Variants in CSMD1 observed in about 807,000 individuals in gnomAD.
CSMD1 encodes the protein CUB and sushi domain-containing protein 1.
In CSMD1, 213 loss-of-function variants were observed where a neutral mutation model predicts 417.5. The observed-to-expected ratio is 0.51, with a 90% CI of 0.46 to 0.57. The LOEUF (loss-of-function observed/expected upper bound fraction) is 0.57, where lower values mean the gene tolerates loss of function less well. Ranked by LOEUF, CSMD1 falls within the 20% of genes least tolerant of loss-of-function variation. The probability of loss-of-function intolerance (pLI) is 0.00; values close to 1 mark genes in which losing one functional copy is unlikely to be tolerated. For synonymous variants in CSMD1, 2,862 were observed against 1,736.8 expected (o/e 1.65, Z -16.11); for missense variants, 6,923 against 4,529.7 (o/e 1.53, Z -15.17).
chr8:3,941,694 T>G (rs1347636301), intron 5 of CSMD1, among the ~76,000 whole-genome samples: 1 of 151,764 alleles, frequency 6.6e-6, no homozygotes, highest in South Asian at 2.1e-4. Context: ...TGTAATGAGA[T>G]TTTTTCCCAG....
intron 25 of CSMD1, among the ~76,000 whole-genome samples, chr8:3,306,504 T>C (rs1055633345): frequency 3.9e-5 from 6 of 152,120 alleles, no homozygotes; most frequent in Admixed American, 2.6e-4. Flanking sequence ...TTCACGTATG[T>C]GTAGGAGGAG....
intron 6 of CSMD1, among the ~76,000 whole-genome samples, chr8:3,746,411 C>G (rs942802074): frequency 6.6e-6 from 1 of 152,168 alleles, no homozygotes; most frequent in African/African-American, 2.4e-5. Context: ...CCAATGTCAA[C>G]CACATTTCAA....
intron 2 of CSMD1, among the ~76,000 whole-genome samples, chr8:4,437,258 G>A (rs1218735004): frequency 1.3e-5 from 2 of 152,172 alleles, no homozygotes; most frequent in South Asian, 2.1e-4. Flanking sequence ...TTAGGCAGTA[G>A]AGAAAAGTAA....
intron 50 of CSMD1, among the ~76,000 whole-genome samples, chr8:3,043,412 T>C (rs1811239378): frequency 1.3e-5 from 2 of 152,084 alleles, no homozygotes; most frequent in Non-Finnish European, 2.9e-5. Context: ...CTATAAATAC[T>C]AGATATGACT....
intron 6 of CSMD1, among the ~76,000 whole-genome samples, chr8:3,734,698 G>A (rs1355434276): frequency 6.6e-6 from 1 of 152,168 alleles, no homozygotes; most frequent in Admixed American, 6.5e-5. Flanking sequence ...GTGACAGAGT[G>A]AGATTTTGTC....
At chr8:3,274,996 G>A (rs557503776) in intron 26 of CSMD1, among the ~76,000 whole-genome samples, 43 of 150,764 alleles carry the variant, frequency 2.9e-4, no homozygotes, top group African/African-American at 9.3e-4. Flanking sequence ...TATTTTGCTC[G>A]TTAGTTGATG....
chr8:3,671,496 C>CATAT (rs200669319), intron 7 of CSMD1, among the ~76,000 whole-genome samples: 1 of 12,368 alleles, frequency 8.1e-5, no homozygotes, highest in South Asian at 1.7e-3. Flanking sequence ...TATATATGAT[C>CATAT]ATATATATAT....
chr8:3,551,775 T>G (rs984428941), intron 10 of CSMD1, among the ~76,000 whole-genome samples: 3 of 152,166 alleles, frequency 2.0e-5, no homozygotes, highest in Non-Finnish European at 4.4e-5. Context: ...GATAATATGA[T>G]GTTCTCTGTA....
chr8:4,396,094 T>A (rs1486636229), intron 3 of CSMD1, among the ~76,000 whole-genome samples: 3 of 151,658 alleles, frequency 2.0e-5, no homozygotes, highest in Admixed American at 6.5e-5. Flanking sequence ...CATCTCCATT[T>A]GTGTTTAGTA....
At chr8:3,786,161 C>G (rs1460794175) in intron 5 of CSMD1, among the ~76,000 whole-genome samples, 1 of 152,058 alleles carries the variant, frequency 6.6e-6, no homozygotes, top group Non-Finnish European at 1.5e-5. Context: ...AGAGGAGCAC[C>G]TGGTTTGGGG....
Position 3,053,458 on chromosome 8 carries a change from A to T in CSMD1, c.7475-811T>A, listed in dbSNP as rs183458962. 7.3e-3 allele frequency among the ~76,000 whole-genome samples: 1,111 copies of T among 152,154 alleles called. 8 individuals are homozygous for T. The highest frequency in any genetic ancestry group is 0.024 in the Middle Eastern group (7 of 294). ...TTTATTGTTCCTCTCCCCTTCCCCAATTCATTTTCCCTAAAGCCCCAGGAA... is the reference window on the plus strand; with the variant it reads ...TTTATTGTTCCTCTCCCCTTCCCCATTTCATTTTCCCTAAAGCCCCAGGAA... On this transcript the variant is annotated intron_variant, in intron 49 of 69. Coordinates refer to ENST00000635120, the MANE Select transcript of CSMD1 (RefSeq NM_033225.6).
intron 10 of CSMD1, among the ~76,000 whole-genome samples, chr8:3,537,171 T>C (rs904093499): frequency 2.6e-5 from 4 of 151,904 alleles, no homozygotes; most frequent in Non-Finnish European, 4.4e-5. Flanking sequence ...GCCCAGCTAA[T>C]TTGTTGTATT....
intron 5 of CSMD1, among the ~76,000 whole-genome samples, chr8:3,767,646 A>G (rs1389965525): frequency 6.6e-6 from 1 of 152,198 alleles, no homozygotes; most frequent in Non-Finnish European, 1.5e-5. Flanking sequence ...CGCAATGCAT[A>G]CTGTATATGA....
At chr8:4,717,421 T>C (rs575555868) in intron 1 of CSMD1, among the ~76,000 whole-genome samples, 1 of 150,772 alleles carries the variant, frequency 6.6e-6, no homozygotes, top group East Asian at 2.0e-4. Flanking sequence ...ACACACACTA[T>C]ATATATACAC....
At chr8:4,407,910 C>G (rs1042672385) in intron 3 of CSMD1, among the ~76,000 whole-genome samples, 13 of 152,114 alleles carry the variant, frequency 8.5e-5, no homozygotes, top group Non-Finnish European at 1.9e-4. Context: ...ACATCCAAAG[C>G]TGAAACGTGT....
intron 6 of CSMD1, among the ~76,000 whole-genome samples, chr8:3,737,456 A>T (rs1460136867): frequency 6.6e-6 from 1 of 152,248 alleles, no homozygotes; most frequent in Non-Finnish European, 1.5e-5. Flanking sequence ...AGAAAAATTA[A>T]TTGTTAAATG....
intron 1 of CSMD1, among the ~76,000 whole-genome samples, chr8:4,672,546 AC>A (rs1343865929): frequency 1.3e-5 from 2 of 152,218 alleles, no homozygotes; most frequent in African/African-American, 4.8e-5. Context: ...TATAATGTAA[AC>A]AACCAATCAC....
rs558637731 is a variant in CSMD1 at position 3,574,956 on chromosome 8, C to T, written c.1333G>A (p.Asp445Asn). ...AHCVWVITTT[D>N]PDKVIKLAFE... ...AGGCGGAGCCTTACCTTGTCCGGGT[C>T]GGTGGTGGTGATGACCCACACACAG... The change falls in exon 10 of 70, where the codon GAC (aspartate) becomes AAC (asparagine). Residue 445 changes from aspartate to asparagine, a missense_variant. Transcript: ENST00000635120. 10 of 1,612,202 alleles carry T rather than the reference C, an allele frequency of 6.2e-6. No individual in the cohort carries two copies. Among genetic ancestry groups the T allele is most frequent in the South Asian group, 3.3e-5 (3 of 90,944 alleles).
intron 1 of CSMD1, among the ~76,000 whole-genome samples, chr8:4,746,742 C>T (rs998107986): frequency 2.0e-5 from 3 of 151,938 alleles, no homozygotes; most frequent in Non-Finnish European, 4.4e-5. Context: ...TGGGAGTCAC[C>T]GGTAGAACCT....
Sources: gnomAD v4.1 joint callset for allele counts (sites outside exome capture counted in the v4.1 genomes callset) on GRCh38, gnomAD v4.1.1 for gene constraint, MANE v1.5 for transcripts, NCBI Gene and HGNC (gene_info 2026-07-23, HGNC 2026-07-21) for gene names.